NEK7: variants seen among roughly 807,000 people sequenced by gnomAD.
NEK7 encodes serine/threonine-protein kinase Nek7.
Under a neutral mutation model 44.6 loss-of-function variants are expected in NEK7, and 18 were observed. The observed-to-expected ratio is 0.40, with a 90% CI of 0.28 to 0.60. The LOEUF is 0.60. Among genes scored for constraint, NEK7 ranks in the 20% least tolerant of loss-of-function variants. The pLI is 0.38. For synonymous variants in NEK7, 130 were observed against 121.1 expected, an observed-to-expected ratio of 1.07 and a Z score of -0.48; for missense variants, 256 against 366.5, an observed-to-expected ratio of 0.70 and a Z score of 2.46.
chr1:198,242,933 G>C (rs1489941498), intron 2 of NEK7, among the ~76,000 whole-genome samples: 2 of 151,328 alleles, frequency 1.3e-5, no homozygotes, highest in Non-Finnish European at 2.9e-5. Context: ...GCCTCCCAAA[G>C]TGCTGGGAGT....
intron 6 of NEK7, among the ~76,000 whole-genome samples, chr1:198,278,434 A>G (rs907165074): frequency 2.6e-5 from 4 of 151,748 alleles, no homozygotes; most frequent in African/African-American, 9.7e-5. Flanking sequence ...CAAGTGGTTG[A>G]GCAGAGTGTG....
Position 198,322,198 on chromosome 1 carries a change from G to A in NEK7, c.*2676G>A, listed in dbSNP as rs765338913. On this transcript the variant is annotated 3_prime_UTR_variant, in exon 10 of 10. Transcript: ENST00000367385. ...AACCAAAATGTTACTCACATTAAAT[G>A]TTTATTCTTTAAAATGAATGTATTA... is the stretch of plus-strand genomic sequence containing the variant. 1 of 152,032 alleles carries A rather than the reference G, an allele frequency of 6.6e-6. No homozygotes were observed. The highest frequency in any genetic ancestry group is 2.4e-5 in the African/African-American group (1 of 41,410). 9.4% of individuals were successfully genotyped at this position (152,032 alleles called of 1,614,324 possible). A position where few individuals can be genotyped will look rare whatever the true frequency, so the allele number is the denominator to read the frequency against.
At chr1:198,264,763 A>G (rs2102952044) in intron 5 of NEK7, among the ~76,000 whole-genome samples, 1 of 152,144 alleles carries the variant, frequency 6.6e-6, no homozygotes, top group African/African-American at 2.4e-5. Context: ...GGGCATATTA[A>G]TTGGGTTTAA....
At chr1:198,298,058 G>A (rs893973387) in intron 9 of NEK7, among the ~76,000 whole-genome samples, 1 of 152,066 alleles carries the variant, frequency 6.6e-6, no homozygotes, top group African/African-American at 2.4e-5. Context: ...CAGTATCTCA[G>A]GTCAACTAAA....
intron 1 of NEK7, among the ~76,000 whole-genome samples, chr1:198,213,996 A>T (rs1307871772): frequency 6.6e-6 from 1 of 152,132 alleles, no homozygotes; most frequent in Non-Finnish European, 1.5e-5. Flanking sequence ...GCCCCACAGG[A>T]GTCAGTGAAT....
intron 1 of NEK7, among the ~76,000 whole-genome samples, chr1:198,165,259 A>G (rs536666321): frequency 5.3e-5 from 8 of 152,334 alleles, no homozygotes; most frequent in Non-Finnish European, 7.3e-5. Flanking sequence ...ATGAATGACA[A>G]TCGTTTTTAA....
rs376545002 is a variant in NEK7, at chr1:198,169,318, CT to C, written c.-29+12045del. Among the ~76,000 whole-genome samples the C allele has an allele frequency of 3.7e-3, 562 of 152,308 alleles. 3 individuals carry two copies. Among genetic ancestry groups the C allele is most frequent in the African/African-American group, 0.013 (543 of 41,566 alleles). ...GCCAACTTTCCACAGTTAGAAAGCA[CT>C]TTGGATCACCACTGTCAGATATTTA... On this transcript the variant is annotated intron_variant, in intron 1 of 9. Coordinates refer to ENST00000367385, the MANE Select transcript of NEK7 (RefSeq NM_133494.3).
intron 8 of NEK7, among the ~76,000 whole-genome samples, chr1:198,295,486 C>T (rs1364309660): frequency 1.3e-5 from 2 of 151,898 alleles, no homozygotes; most frequent in Non-Finnish European, 2.9e-5. Flanking sequence ...GGGGCAGCAT[C>T]GAGATGCACT....
intron 8 of NEK7, among the ~76,000 whole-genome samples, chr1:198,294,873 A>G (rs1469941329): frequency 6.6e-6 from 1 of 152,126 alleles, no homozygotes; most frequent in Non-Finnish European, 1.5e-5. Flanking sequence ...CTAAAGCTTT[A>G]ATTTAAATTT....
chr1:198,225,504 A>C (rs1666191936), intron 1 of NEK7, among the ~76,000 whole-genome samples: 1 of 152,020 alleles, frequency 6.6e-6, no homozygotes, highest in African/African-American at 2.4e-5. Context: ...CCTCTGTCCT[A>C]TTGCTAAAAA....
intron 9 of NEK7, among the ~76,000 whole-genome samples, chr1:198,301,631 T>C (rs1654888580): frequency 1.3e-5 from 2 of 152,196 alleles, no homozygotes; most frequent in African/African-American, 4.8e-5. Context: ...TTCTGTAAGT[T>C]GAGTACAGGG....
chr1:198,248,862 G>A (rs1272732208), intron 2 of NEK7, among the ~76,000 whole-genome samples: 1 of 151,374 alleles, frequency 6.6e-6, no homozygotes, highest in East Asian at 1.9e-4. Context: ...TGTGGGTTCT[G>A]CAATTGCTTT....
chr1:198,302,409 C>T (rs955703086), intron 9 of NEK7, among the ~76,000 whole-genome samples: 4 of 137,772 alleles, frequency 2.9e-5, no homozygotes, highest in African/African-American at 1.1e-4. Flanking sequence ...AGGGTTCTTT[C>T]TGGCTTCTCC....
chr1:198,183,992 T>G (rs189062861), intron 1 of NEK7, among the ~76,000 whole-genome samples: 2 of 152,356 alleles, frequency 1.3e-5, no homozygotes, highest in Admixed American at 1.3e-4. Context: ...CTGGGCTTAC[T>G]TGAACATTAT....
intron 1 of NEK7, among the ~76,000 whole-genome samples, chr1:198,158,204 A>G (rs1045293690): frequency 6.6e-6 from 1 of 152,242 alleles, no homozygotes; most frequent in African/African-American, 2.4e-5. Flanking sequence ...GCTAAAAAAT[A>G]TACTTAGTTT....
At chr1:198,297,350 A>T in intron 9 of NEK7, 110 bp downstream of exon 9, 1 of 1,321,436 alleles carries the variant, frequency 7.6e-7, no homozygotes, top group Non-Finnish European at 1.1e-6. Flanking sequence ...TATAGGTAGC[A>T]GAACTAGCAC....
chr1:198,307,596 C>T (rs767664264), intron 9 of NEK7, among the ~76,000 whole-genome samples: 5 of 152,058 alleles, frequency 3.3e-5, no homozygotes, highest in Non-Finnish European at 7.4e-5. Flanking sequence ...TCTATTCTGC[C>T]GATTTGCTTA....
chr1:198,252,582 T>TAAAA (rs1653087733), intron 2 of NEK7, among the ~76,000 whole-genome samples: 1 of 128,170 alleles, frequency 7.8e-6, no homozygotes, highest in African/African-American at 3.0e-5. Flanking sequence ...AGTACATATA[T>TAAAA]ACACATATAT....
At chr1:198,311,268 T>G (rs1655172531) in intron 9 of NEK7, among the ~76,000 whole-genome samples, 2 of 118,120 alleles carry the variant, frequency 1.7e-5, no homozygotes, top group South Asian at 7.1e-4. Context: ...AGAATGCTTG[T>G]GATTTTTGTA....
Sources: gnomAD v4.1 joint callset for allele counts (sites outside exome capture counted in the v4.1 genomes callset) on GRCh38, gnomAD v4.1.1 for gene constraint, MANE v1.5 for transcripts, NCBI Gene and HGNC (gene_info 2026-07-23, HGNC 2026-07-21) for gene names.